Variants in KATNIP observed in about 807,000 individuals in gnomAD.
KATNIP encodes the protein katanin-interacting protein.
KATNIP carries 126 observed loss-of-function variants against 174.0 expected under a neutral mutation model. That is an observed-to-expected ratio of 0.72 (90% CI 0.63 to 0.84). The LOEUF is 0.84. KATNIP is among the 40% of genes least tolerant of loss of function. The pLI is 0.00. For synonymous variants in KATNIP, 810 were observed against 835.7 expected (o/e 0.97, Z 0.53); for missense variants, 1,958 against 2,109.7 (o/e 0.93, Z 1.41).
At chr16:27,719,372 T>C (rs1036175264) in intron 13 of KATNIP, among the ~76,000 whole-genome samples, 1 of 152,062 alleles carries the variant, frequency 6.6e-6, no homozygotes, top group Non-Finnish European at 1.5e-5. Context: ...ATCTCCCCCC[T>C]CCACCACCAC....
intron 15 of KATNIP, 64 bp from the exon 16 acceptor site, chr16:27,749,520 A>G: frequency 6.7e-7 from 1 of 1,499,072 alleles, no homozygotes; most frequent in Non-Finnish European, 8.9e-7. Flanking sequence ...GACAGTCTCT[A>G]ATGGTCCCCA....
intron 9 of KATNIP, among the ~76,000 whole-genome samples, 161 bp downstream of exon 9, chr16:27,698,661 C>T (rs2078998847): frequency 6.6e-6 from 1 of 152,254 alleles, no homozygotes; most frequent in Non-Finnish European, 1.5e-5. Flanking sequence ...CACCCACTGA[C>T]CTGCTAAGGC....
At chr16:27,551,342 GT>G (rs1028589001) in intron 1 of KATNIP, among the ~76,000 whole-genome samples, 1 of 152,122 alleles carries the variant, frequency 6.6e-6, no homozygotes, top group Non-Finnish European at 1.5e-5. Context: ...TGAACATTCT[GT>G]CATATGCTTA....
At chr16:27,560,111 G>A (rs1049358422) in intron 1 of KATNIP, among the ~76,000 whole-genome samples, 8 of 151,828 alleles carry the variant, frequency 5.3e-5, no homozygotes, top group South Asian at 4.2e-4. Context: ...GTGAAACCCC[G>A]TCTCCACTAA....
chr16:27,710,596 G>A (rs1302814904), intron 13 of KATNIP, among the ~76,000 whole-genome samples: 1 of 152,090 alleles, frequency 6.6e-6, no homozygotes, highest in Non-Finnish European at 1.5e-5. Context: ...CAAACTCCTG[G>A]GCTCAAGCTG....
chr16:27,631,232 A>G (rs970952215), intron 5 of KATNIP, 70 bp downstream of exon 5: 38 of 1,240,914 alleles, frequency 3.1e-5, no homozygotes, highest in African/African-American at 4.5e-5. Context: ...ATAGAAATAC[A>G]ATCAGAGCAT....
rs369817858 is a variant in KATNIP, at chr16:27,740,640, C to T, written c.2343C>T (p.Pro781=). ...CCCTCTGGCTTAGTCCCGAGAAGCC[C>T]CTGGCCTGGAAGGGCAGGCTCCCAT... The part of the protein sequence containing the change: ...PKPLWLSPEK[P]LAWKGRLPSD... The change falls in exon 15 of 28, where the codon CCC becomes CCT. Residue 781 remains proline, a synonymous_variant. Coordinates refer to ENST00000261588, the MANE Select transcript of KATNIP (RefSeq NM_015202.5). 4.3e-6 allele frequency: 7 copies of T among 1,614,062 alleles called. No individual in the cohort carries two copies. The highest frequency in any genetic ancestry group is 5.9e-6 in the Non-Finnish European group (7 of 1,180,032).
chr16:27,574,186 TTGTC>T (rs1482796508), intron 2 of KATNIP: 6 of 526,292 alleles, frequency 1.1e-5, no homozygotes, highest in East Asian at 6.4e-5. Flanking sequence ...TCAGTTAACT[TTGTC>T]TGTGTAACAA....
chr16:27,666,511 G>A (rs767681757), intron 6 of KATNIP, among the ~76,000 whole-genome samples: 12 of 151,990 alleles, frequency 7.9e-5, no homozygotes, highest in African/African-American at 1.7e-4. Flanking sequence ...TCTGCCTCCC[G>A]GGTTCAAGCG....
At chr16:27,641,596 A>T (rs891019212) in intron 5 of KATNIP, among the ~76,000 whole-genome samples, 4 of 152,174 alleles carry the variant, frequency 2.6e-5, no homozygotes, top group African/African-American at 9.7e-5. Flanking sequence ...TACCAAACAC[A>T]GGGGAGTATG....
chr16:27,705,823 C>T (rs1337712905), intron 12 of KATNIP, among the ~76,000 whole-genome samples: 1 of 151,930 alleles, frequency 6.6e-6, no homozygotes, highest in African/African-American at 2.4e-5. Context: ...CTACAGGGGC[C>T]CCCCAGCACA....
At chr16:27,662,768 C>T (rs942231566) in intron 6 of KATNIP, among the ~76,000 whole-genome samples, 4 of 152,044 alleles carry the variant, frequency 2.6e-5, no homozygotes, top group African/African-American at 7.2e-5. Context: ...CATTTATAGC[C>T]GACCTAGAAT....
At chr16:27,690,626 C>T (rs1321215550) in intron 8 of KATNIP, among the ~76,000 whole-genome samples, 1 of 152,154 alleles carries the variant, frequency 6.6e-6, no homozygotes, top group Non-Finnish European at 1.5e-5. Flanking sequence ...AACATTGTCC[C>T]AGGGCACACT....
In KATNIP at chr16:27,740,145, C is replaced by T. The variant is rs1475870940; in HGVS notation, c.1848C>T (p.Ser616=). The change falls in exon 15 of 28, where the codon AGC becomes AGT. Residue 616 remains serine, a synonymous_variant. Transcript: ENST00000261588. ...ATAGGGAGGCCCCAGCTGACCACAG[C>T]ATCCTGGTTGACCAGAAGAACGAGA... ...KGDREAPADH[S]ILVDQKNEKS... is the part of the protein sequence containing the mutation. The T allele has an allele frequency of 6.2e-7, 1 of 1,614,072 alleles. No individual in the cohort carries two copies. The highest frequency in any genetic ancestry group is 2.2e-5 in the East Asian group (1 of 44,880).
At chr16:27,770,090 A>G in intron 21 of KATNIP, 72 bp downstream of exon 21, 1 of 1,517,788 alleles carries the variant, frequency 6.6e-7, no homozygotes, top group Non-Finnish European at 9.1e-7. Flanking sequence ...AGTTGCTCTG[A>G]TGTACATTCC....
At chr16:27,635,746 AC>A (rs1208115199) in intron 5 of KATNIP, among the ~76,000 whole-genome samples, 1 of 152,118 alleles carries the variant, frequency 6.6e-6, no homozygotes, top group East Asian at 1.9e-4. Flanking sequence ...CCAGAAGTTA[AC>A]CACTTGAAGC....
chr16:27,732,507 A>G (rs1433275405), intron 14 of KATNIP, among the ~76,000 whole-genome samples: 1 of 152,216 alleles, frequency 6.6e-6, no homozygotes, highest in African/African-American at 2.4e-5. Flanking sequence ...GAGGACAAGC[A>G]TGTGTCTGTG....
rs954083758 is a variant in KATNIP at position 27,637,829 on chromosome 16, G to A, written c.408+6667G>A. ...GAGGGTTGAAACAGTAGAGCGCCAC[G>A]TTTGGGTTCATATTTTGGGTTCATG... On this transcript the variant is annotated intron_variant, in intron 5 of 27. Coordinates refer to ENST00000261588, the MANE Select transcript of KATNIP (RefSeq NM_015202.5). The surrounding 1 kb of genome is among the most constrained non-coding windows in gnomAD (Gnocchi z 4.7). Among the ~76,000 whole-genome samples the A allele has an allele frequency of 2.0e-5, 3 of 152,168 alleles. No homozygotes were observed. Among genetic ancestry groups the A allele is most frequent in the Admixed American group, 1.3e-4 (2 of 15,278 alleles).
intron 14 of KATNIP, among the ~76,000 whole-genome samples, chr16:27,723,445 G>A (rs74735755): frequency 7.9e-5 from 12 of 151,260 alleles, no homozygotes; most frequent in African/African-American, 1.5e-4. Context: ...AAACACAGAC[G>A]TCACTTTCTC....
Sources: gnomAD v4.1 joint callset for allele counts (sites outside exome capture counted in the v4.1 genomes callset) on GRCh38, gnomAD v4.1.1 for gene constraint, Gnocchi (gnomAD v3.1) non-coding constraint, MANE v1.5 for transcripts, NCBI Gene and HGNC (gene_info 2026-07-23, HGNC 2026-07-21) for gene names.